Variants in LTBP2 observed in about 807,000 individuals in gnomAD.
LTBP2 encodes the protein latent-transforming growth factor beta-binding protein 2.
A neutral mutation model predicts 210.6 loss-of-function variants in LTBP2; 103 were observed. The observed-to-expected ratio is 0.49, with a 90% confidence interval of 0.42 to 0.58. The LOEUF is 0.58. Ranked by LOEUF, LTBP2 falls within the 20% of genes least tolerant of loss-of-function variation. LTBP2 has a pLI of 0.00. For synonymous variants in LTBP2, 1,007 were observed against 1,015.0 expected (o/e 0.99, Z 0.15); for missense variants, 2,313 against 2,494.5 (o/e 0.93, Z 1.55).
In LTBP2 at chr14:74,499,755, G is replaced by C. The variant is rs901916734; in HGVS notation, c.*1129C>G. The stretch of plus-strand genomic sequence containing the variant: ...GATATGAAATAAAAACAACAGAAGA[G>C]ACCAGATGCACATTTCTTTATTCCA... On this transcript the variant is annotated 3_prime_UTR_variant, in exon 36 of 36. Transcript: ENST00000261978. The C allele has an allele frequency of 2.6e-5, 6 of 227,710 alleles. No homozygotes were observed. Among genetic ancestry groups the C allele is most frequent in the African/African-American group, 1.3e-4 (6 of 45,012 alleles). 14.1% of individuals were successfully genotyped at this position (227,710 alleles called of 1,614,324 possible).
chr14:74,580,274 G>A (rs769439347), intron 3 of LTBP2, among the ~76,000 whole-genome samples: 15 of 152,170 alleles, frequency 9.9e-5, no homozygotes, highest in Non-Finnish European at 1.9e-4. Flanking sequence ...TCATGAAGAC[G>A]TGAGTCCTAA....
In LTBP2 at chr14:74,516,896, C is replaced by T. The variant is rs1284606125; in HGVS notation, c.2834G>A (p.Cys945Tyr). The T allele has an allele frequency of 1.3e-6, 2 of 1,551,972 alleles. No individual in the cohort carries two copies. The highest frequency in any genetic ancestry group is 8.7e-7 in the Non-Finnish European group (1 of 1,147,122). ...EQPGVCSGGQ[C>Y]TNTEGSYHCE... ...GTGGTACGAGCCCTCGGTGTTGGTGCACTGCCCCCCGCTGCACACCCCTGG... is the reference window on the plus strand; with the variant it reads ...GTGGTACGAGCCCTCGGTGTTGGTGTACTGCCCCCCGCTGCACACCCCTGG... Residue 945 changes from cysteine to tyrosine, a missense_variant, in exon 18 of 36, where the codon TGC (cysteine) becomes TAC (tyrosine). Cys to Tyr is a radical substitution (Grantham distance 194). Around this residue, in one of 3 missense-constraint regions of LTBP2, gnomAD observed 1,867 missense variants for 1,976.9 expected, o/e 0.94. Transcript: ENST00000261978.
intron 25 of LTBP2, 96 bp from the exon 26 acceptor site, chr14:74,507,406 T>A: frequency 6.5e-7 from 1 of 1,550,032 alleles, no homozygotes; most frequent in Non-Finnish European, 8.9e-7. Context: ...GGGTTCTTGA[T>A]CTATTCCAAA....
In LTBP2 at chr14:74,511,279, C is replaced by T. The variant is rs2087067357; in HGVS notation, c.2994G>A (p.Glu998=). 2 of 1,613,976 alleles carry T rather than the reference C, an allele frequency of 1.2e-6. No homozygotes were observed. Among genetic ancestry groups the T allele is most frequent in the Non-Finnish European group, 1.7e-6 (2 of 1,180,034 alleles). The part of the protein sequence containing the change: ...SPGSYTCLAC[E]EGYRGQSGSC... ...TCCCACTCTGGCCCCGGTAGCCCTC[C>T]TCACAGGCCAGACAAGTGTAGGAGC... The change falls in exon 19 of 36, where the codon GAG becomes GAA. Residue 998 remains glutamate, a synonymous_variant. Coordinates refer to ENST00000261978, the MANE Select transcript of LTBP2 (RefSeq NM_000428.3).
intron 1 of LTBP2, among the ~76,000 whole-genome samples, chr14:74,608,600 C>T (rs1215669434): frequency 6.6e-6 from 1 of 151,316 alleles, no homozygotes; most frequent in Non-Finnish European, 1.5e-5. Flanking sequence ...ATCCCAGTTA[C>T]TAGGGAGGCT....
At chr14:74,508,791 A>G (rs751732274) in intron 23 of LTBP2, 39 bp downstream of exon 23, 6 of 1,613,496 alleles carry the variant, frequency 3.7e-6, no homozygotes, top group South Asian at 3.3e-5. Context: ...CCACACACTC[A>G]TGCCCCCCAC....
chr14:74,565,952 C>T (rs142863899), intron 3 of LTBP2, among the ~76,000 whole-genome samples: 2 of 152,136 alleles, frequency 1.3e-5, no homozygotes, highest in African/African-American at 4.8e-5. Flanking sequence ...TGCTAGCACA[C>T]GATTAAACAA....
intron 6 of LTBP2, among the ~76,000 whole-genome samples, chr14:74,551,783 A>G (rs2087660271): frequency 6.6e-6 from 1 of 152,192 alleles, no homozygotes. Context: ...GAGCCTCTCC[A>G]TCCCCTGATC....
rs532067063 is a variant in LTBP2 at position 74,578,037 on chromosome 14, GCAGCACA to G, written c.830+7810_830+7816del. Among the ~76,000 whole-genome samples, 43 of 152,096 alleles carry G rather than the reference GCAGCACA, an allele frequency of 2.8e-4. No homozygotes were observed. In the South Asian group the frequency reaches 9.0e-3, roughly 32 times the overall value. On this transcript the variant is annotated intron_variant, in intron 3 of 35. Transcript: ENST00000261978. Reference sequence around the variant, plus strand: ...CAAAGGAACAAGCAGAAGGCCCGCAGCAGCACACAGAAGCCCAGAGGGGAGGGTGGCA... The same window carrying G: ...CAAAGGAACAAGCAGAAGGCCCGCAGCAGAAGCCCAGAGGGGAGGGTGGCA...
intron 3 of LTBP2, among the ~76,000 whole-genome samples, chr14:74,581,423 G>A (rs879670026): frequency 2.0e-5 from 3 of 152,152 alleles, no homozygotes; most frequent in African/African-American, 4.8e-5. Context: ...AAGTAGAAGA[G>A]GGAGGCAAGG....
Position 74,498,680 on chromosome 14 carries a change from G to A in LTBP2, c.*2204C>T. 2 of 232,450 alleles carry A rather than the reference G, an allele frequency of 8.6e-6. No homozygotes were observed. The highest frequency in any genetic ancestry group is 2.6e-3 in the Middle Eastern group (2 of 784). The allele number at this position is 232,450 out of a possible 1,614,324, so 14.4% of individuals were successfully genotyped here. On this transcript the variant is annotated 3_prime_UTR_variant, in exon 36 of 36. Coordinates refer to ENST00000261978, the MANE Select transcript of LTBP2 (RefSeq NM_000428.3). The stretch of plus-strand genomic sequence containing the variant: ...GGGCAGTGGGAACAGCAGTTACGAA[G>A]GTGTAGTGCCAGCAGGATATATTTG...
rs147213897 is a variant in LTBP2, at chr14:74,503,569, G to A, written c.4620C>T (p.Gly1540=). Residue 1540 remains glycine, a synonymous_variant, in exon 32 of 36, where the codon GGC becomes GGT. Transcript: ENST00000261978. ...AGGAGCCCTCCGTGTTGACGCACTC[G>A]CCATTCTCACAGGCCAGGTCCTGGC... ...DECQDLACEN[G]ECVNTEGSFH... 31 of 1,613,686 alleles carry A rather than the reference G, an allele frequency of 1.9e-5. No individual in the cohort carries two copies. Among genetic ancestry groups the A allele is most frequent in the East Asian group, 6.7e-5 (3 of 44,888 alleles).
chr14:74,504,824 G>A lies in LTBP2; in HGVS notation c.4407C>T (p.Tyr1469=), dbSNP rs754010766. 6.8e-6 allele frequency: 11 copies of A among 1,614,262 alleles called. No homozygotes were observed. Among genetic ancestry groups the A allele is most frequent in the Non-Finnish European group, 8.5e-6 (10 of 1,180,044 alleles). The stretch of plus-strand genomic sequence containing the variant: ...ACGTCCAGGCTCCTTCCACAGGAAT[G>A]TAGCCTTTTCCACTAGGGCAGATCT... The part of the protein sequence containing the change: ...FSEICPSGKG[Y]IPVEGAWTFG... Residue 1469 remains tyrosine (Y), a synonymous_variant, in exon 30 of 36, where the codon TAC becomes TAT. Transcript: ENST00000261978.
intron 27 of LTBP2, 67 bp from the exon 28 acceptor site, chr14:74,506,258 A>G (rs2086983486): frequency 1.9e-6 from 3 of 1,606,006 alleles, no homozygotes; most frequent in South Asian, 2.2e-5. Flanking sequence ...CCCTGACTAC[A>G]GCCCACTGCC....
chr14:74,594,649 C>T (rs961496737), intron 2 of LTBP2, among the ~76,000 whole-genome samples: 1 of 152,216 alleles, frequency 6.6e-6, no homozygotes, highest in African/African-American at 2.4e-5. Flanking sequence ...ACCTGGAGAC[C>T]TCAGTTTGTC....
rs779447472 is a variant in LTBP2 at position 74,603,699 on chromosome 14, G to A, written c.501C>T (p.Asn167=). The part of the protein sequence containing the change: ...TPPRGRLTGR[N]VCGGQCCPGW... ...CTGGGCAGCACTGTCCCCCGCAGAC[G>A]TTCCTCCTGTGGGGTCACCAAAACA... The change falls in exon 2 of 36, where the codon AAC becomes AAT. Residue 167 remains asparagine (N), a synonymous_variant. Coordinates refer to ENST00000261978, the MANE Select transcript of LTBP2 (RefSeq NM_000428.3). The A allele has an allele frequency of 9.9e-6, 16 of 1,614,048 alleles. No individual in the cohort carries two copies. The highest frequency in any genetic ancestry group is 2.7e-5 in the African/African-American group (2 of 74,924).
chr14:74,553,793 C>G (rs750852275), intron 4 of LTBP2, among the ~76,000 whole-genome samples: 11 of 151,744 alleles, frequency 7.2e-5, no homozygotes, highest in Non-Finnish European at 1.6e-4. Context: ...GTACGGGGAG[C>G]CTGGGGACAG....
intron 14 of LTBP2, among the ~76,000 whole-genome samples, chr14:74,525,597 A>G (rs2087262274): frequency 6.6e-6 from 1 of 152,180 alleles, no homozygotes; most frequent in African/African-American, 2.4e-5. Flanking sequence ...CTCTGCCACA[A>G]ATACCAACAT....
intron 2 of LTBP2, among the ~76,000 whole-genome samples, chr14:74,595,628 A>G (rs997962153): frequency 1.3e-5 from 2 of 152,098 alleles, no homozygotes; most frequent in Non-Finnish European, 2.9e-5. Flanking sequence ...GATGGTCGGG[A>G]AGGATGAGAA....
Sources: allele counts gnomAD v4.1 joint callset (sites outside exome capture counted in the v4.1 genomes callset), GRCh38; gene constraint gnomAD v4.1.1; regional missense constraint gnomAD v4.1.1; transcripts MANE v1.5; gene names NCBI Gene and HGNC (gene_info 2026-07-23, HGNC 2026-07-21).